Variants in SLC67A1 observed in about 807,000 individuals in gnomAD.
The protein encoded by SLC67A1 is solute carrier family 67 member 1.
chr11:2,907,105 G>A, the SLC67A1 span, among the ~76,000 whole-genome samples: 4 of 151,588 alleles, frequency 2.6e-5, no homozygotes, highest in Admixed American at 6.6e-5. This position sits in a 1 kb window ranked among gnomAD's most constrained non-coding sequence, Gnocchi z 6.7. Flanking sequence ...GGGGGTTACC[G>A]ACTGCCCTTG....
At chr11:2,900,585 C>G in the SLC67A1 span, among the ~76,000 whole-genome samples, 6 of 148,078 alleles carry the variant, frequency 4.1e-5, no homozygotes, top group South Asian at 1.1e-3. Context: ...CCCAGCTACT[C>G]GGGAGGCTGA....
chr11:2,924,792 G>T, the SLC67A1 span, among the ~76,000 whole-genome samples: 1 of 152,114 alleles, frequency 6.6e-6, no homozygotes, highest in South Asian at 2.1e-4. The surrounding 1 kb of genome is among the most constrained non-coding windows in gnomAD (Gnocchi z 8.6). Flanking sequence ...TGCTCCAAAG[G>T]CTGGGCGGGT....
At chr11:2,911,390 G>A in the SLC67A1 span, among the ~76,000 whole-genome samples, 1 of 152,000 alleles carries the variant, frequency 6.6e-6, no homozygotes, top group African/African-American at 2.4e-5. Context: ...TGTGTGGGCA[G>A]CTCTGGTGGG....
chr11:2,917,865 A>C, the SLC67A1 span: 3 of 689,330 alleles, frequency 4.4e-6, no homozygotes, highest in Non-Finnish European at 7.2e-6. Context: ...TGCTGAAGCC[A>C]AGGAAGGAAG....
At chr11:2,909,786 T>G in the SLC67A1 span, 10 of 1,363,836 alleles carry the variant, frequency 7.3e-6, no homozygotes, top group South Asian at 1.6e-4. Flanking sequence ...CGCCTCCTCT[T>G]GGCCTCGGTT....
At chr11:2,922,386 C>G in the SLC67A1 span, 5 of 1,594,148 alleles carry the variant, frequency 3.1e-6, no homozygotes, top group Non-Finnish European at 3.4e-6. Flanking sequence ...CAGAGAGGAG[C>G]CTGGTCCCGT....
the SLC67A1 span, among the ~76,000 whole-genome samples, chr11:2,904,335 C>A: frequency 1.3e-5 from 2 of 152,202 alleles, no homozygotes; most frequent in East Asian, 1.9e-4. Flanking sequence ...CCTTTGGCAC[C>A]ATTCCGGGCC....
At chr11:2,925,068 G>A in the SLC67A1 span, 42 of 1,613,572 alleles carry the variant, frequency 2.6e-5, no homozygotes, top group East Asian at 4.5e-5. The surrounding 1 kb of genome is among the most constrained non-coding windows in gnomAD (Gnocchi z 6.5). Context: ...TGGGACCCAC[G>A]GTCGGCGGCC....
At chr11:2,904,210 G>A in the SLC67A1 span, among the ~76,000 whole-genome samples, 1 of 152,110 alleles carries the variant, frequency 6.6e-6, no homozygotes, top group Non-Finnish European at 1.5e-5. Context: ...GGCCAACCTC[G>A]GCCCTTCCTG....
At chr11:2,918,011 G>C in the SLC67A1 span, 15 of 1,613,268 alleles carry the variant, frequency 9.3e-6, no homozygotes, top group Admixed American at 2.0e-4. Flanking sequence ...CAGTGTGTTC[G>C]ACCTGAAGGC....
chr11:2,924,092 C>A, the SLC67A1 span, among the ~76,000 whole-genome samples: 4 of 152,206 alleles, frequency 2.6e-5, no homozygotes, highest in Non-Finnish European at 4.4e-5. This position sits in a 1 kb window ranked among gnomAD's most constrained non-coding sequence, Gnocchi z 8.6. Flanking sequence ...GGGGGGTCCT[C>A]CCGCTTGGCG....
At chr11:2,903,826 C>T in the SLC67A1 span, 1 of 334,604 alleles carries the variant, frequency 3.0e-6, no homozygotes, top group South Asian at 3.9e-5. Flanking sequence ...AGTCCCTGCC[C>T]CAAGGGCTGT....
the SLC67A1 span, chr11:2,909,824 G>A: frequency 7.2e-5 from 84 of 1,171,452 alleles, no homozygotes; most frequent in South Asian, 1.2e-3. Flanking sequence ...GGCGCGAGTG[G>A]CCACGTGATG....
the SLC67A1 span, among the ~76,000 whole-genome samples, chr11:2,915,542 A>G: frequency 6.6e-6 from 1 of 152,220 alleles, no homozygotes; most frequent in Non-Finnish European, 1.5e-5. Flanking sequence ...TCTAATGATC[A>G]CTGCGGTCTC....
At chr11:2,922,451 G>A in the SLC67A1 span, 462 of 1,611,574 alleles carry the variant, frequency 2.9e-4, 1 homozygote, top group African/African-American at 4.4e-3. Context: ...GATGTCCAGC[G>A]TCTTCCACTT....
chr11:2,903,378 C>G, the SLC67A1 span: 1 of 1,612,924 alleles, frequency 6.2e-7, no homozygotes, highest in Admixed American at 1.7e-5. Context: ...GGGACCAGGG[C>G]CGGTCCCCCG....
the SLC67A1 span, among the ~76,000 whole-genome samples, chr11:2,907,967 G>A: frequency 2.6e-5 from 4 of 152,292 alleles, no homozygotes; most frequent in Admixed American, 6.5e-5. This position sits in a 1 kb window ranked among gnomAD's most constrained non-coding sequence, Gnocchi z 6.7. Flanking sequence ...TCTCTGGGGC[G>A]TGCCCCCAGA....
the SLC67A1 span, chr11:2,903,408 C>T: frequency 1.9e-5 from 31 of 1,613,130 alleles, no homozygotes; most frequent in Non-Finnish European, 2.5e-5. Flanking sequence ...GCGCTCTAGG[C>T]CGGTCCTCGG....
the SLC67A1 span, among the ~76,000 whole-genome samples, chr11:2,911,537 G>A: frequency 7.9e-5 from 12 of 152,202 alleles, no homozygotes; most frequent in African/African-American, 2.9e-4. Flanking sequence ...GGAGCACTGG[G>A]CCCCAGCAGG....
Sources: allele counts gnomAD v4.1 joint callset (sites outside exome capture counted in the v4.1 genomes callset), GRCh38; gene constraint gnomAD v4.1.1; non-coding constraint Gnocchi (gnomAD v3.1); transcripts MANE v1.5; gene names NCBI Gene and HGNC (gene_info 2026-07-23, HGNC 2026-07-21).